SUGCT: variants seen among roughly 807,000 people sequenced by gnomAD.
SUGCT encodes succinyl-CoA:glutarate-CoA transferase, also known as succinyl-CoA:glutarate CoA-transferase.
A neutral mutation model predicts 55.0 loss-of-function variants in SUGCT; 41 were observed. The ratio of observed to expected loss-of-function variants is 0.74; its 90% CI spans 0.58 to 0.97. The LOEUF (loss-of-function observed/expected upper bound fraction) is 0.97. Ranked by LOEUF, SUGCT falls within the 50% of genes least tolerant of loss-of-function variation. The pLI is 0.00. For synonymous variants in SUGCT, 187 were observed against 200.4 expected (o/e 0.93, Z 0.56); for missense variants, 568 against 547.8 (o/e 1.04, Z -0.37).
chr7:40,333,831 C>A (rs78285621), intron 9 of SUGCT, among the ~76,000 whole-genome samples: 4 of 149,782 alleles, frequency 2.7e-5, no homozygotes, highest in African/African-American at 7.4e-5. Context: ...TATACATGTG[C>A]CATGGTGGTG....
chr7:40,740,774 C>T lies in SUGCT; in HGVS notation c.1090-8660C>T, dbSNP rs547090748. On this transcript the variant is annotated intron_variant, in intron 12 of 13. Coordinates refer to ENST00000335693, the MANE Select transcript of SUGCT (RefSeq NM_001193313.2). Reference sequence around the variant, plus strand: ...TTTATAAGAAAATTTAGGATAATATCTTTAACACTTAAGAATAGGAAATAA... The same window carrying T: ...TTTATAAGAAAATTTAGGATAATATTTTTAACACTTAAGAATAGGAAATAA... 4.6e-5 allele frequency among the ~76,000 whole-genome samples: 7 copies of T among 151,916 alleles called. No homozygotes were observed. In the South Asian group the frequency reaches 1.5e-3, roughly 31 times the overall value.
chr7:40,631,988 G>A (rs1024028154), intron 12 of SUGCT, among the ~76,000 whole-genome samples: 19 of 152,124 alleles, frequency 1.2e-4, no homozygotes, highest in African/African-American at 4.3e-4. Flanking sequence ...CTTAATCCCT[G>A]CAGATGCTCC....
chr7:40,309,289 G>T (rs1487740065), intron 8 of SUGCT, among the ~76,000 whole-genome samples: 3 of 144,420 alleles, frequency 2.1e-5, no homozygotes, highest in African/African-American at 7.4e-5. Context: ...CATAGTAAGT[G>T]TGATATCAGT....
chr7:40,521,652 G>A (rs964960892), intron 12 of SUGCT, among the ~76,000 whole-genome samples: 3 of 151,884 alleles, frequency 2.0e-5, no homozygotes, highest in Admixed American at 1.3e-4. Context: ...ATATCTCTTC[G>A]TTTTTTTCTC....
chr7:40,194,174 A>G (rs1279821192), intron 5 of SUGCT, among the ~76,000 whole-genome samples: 1 of 152,140 alleles, frequency 6.6e-6, no homozygotes, highest in African/African-American at 2.4e-5. Context: ...AGGTGTGAAA[A>G]CATTTCAGAA....
At chr7:40,832,649 C>T (rs1476066659) in intron 13 of SUGCT, among the ~76,000 whole-genome samples, 1 of 149,174 alleles carries the variant, frequency 6.7e-6, no homozygotes, top group African/African-American at 2.5e-5. Flanking sequence ...CCTATTGCTT[C>T]AGGCCTTCTT....
At chr7:40,764,259 A>G (rs1486074736) in intron 13 of SUGCT, among the ~76,000 whole-genome samples, 1 of 152,152 alleles carries the variant, frequency 6.6e-6, no homozygotes, top group Non-Finnish European at 1.5e-5. Flanking sequence ...ACCACTGAGG[A>G]GTTTGTTCCT....
chr7:40,352,789 C>T (rs181624015), intron 9 of SUGCT, among the ~76,000 whole-genome samples: 5 of 152,154 alleles, frequency 3.3e-5, no homozygotes, highest in East Asian at 3.9e-4. Context: ...TTTGGGTGTA[C>T]ACCTAATAGT....
intron 12 of SUGCT, among the ~76,000 whole-genome samples, chr7:40,558,938 A>G (rs1007824748): frequency 6.6e-6 from 1 of 152,214 alleles, no homozygotes; most frequent in Non-Finnish European, 1.5e-5. Flanking sequence ...ATATGCTTGG[A>G]TAGCTGTGAA....
At chr7:40,515,120 A>G (rs1793162604) in intron 12 of SUGCT, among the ~76,000 whole-genome samples, 2 of 151,322 alleles carry the variant, frequency 1.3e-5, no homozygotes, top group Non-Finnish European at 3.0e-5. Context: ...TTCTGTAACC[A>G]TGACCACAAT....
At chr7:40,900,692 T>C in the SUGCT span, among the ~76,000 whole-genome samples, 1 of 152,224 alleles carries the variant, frequency 6.6e-6, no homozygotes, top group Non-Finnish European at 1.5e-5. Flanking sequence ...CAGGATGCTG[T>C]CTGTGCTCTG....
chr7:40,466,473 C>A (rs1216773095), intron 11 of SUGCT, among the ~76,000 whole-genome samples: 1 of 152,232 alleles, frequency 6.6e-6, no homozygotes, highest in Non-Finnish European at 1.5e-5. Context: ...AGGGGCCCCT[C>A]CTGTGCCGCT....
intron 12 of SUGCT, among the ~76,000 whole-genome samples, chr7:40,513,510 G>C (rs1393431239): frequency 6.6e-6 from 1 of 152,072 alleles, no homozygotes; most frequent in Admixed American, 6.6e-5. Context: ...TTTCCTGAGA[G>C]CTCCATTTCA....
the SUGCT span, among the ~76,000 whole-genome samples, chr7:40,941,808 A>G: frequency 2.0e-4 from 31 of 152,088 alleles, no homozygotes; most frequent in Non-Finnish European, 4.0e-4. Flanking sequence ...TGATCCTCTT[A>G]TTGTTATATA....
intron 3 of SUGCT, among the ~76,000 whole-genome samples, chr7:40,186,007 C>G (rs1206323745): frequency 1.3e-5 from 2 of 152,110 alleles, no homozygotes; most frequent in East Asian, 3.9e-4. Flanking sequence ...CAATAGAAAA[C>G]TAGTTTCATT....
chr7:40,299,536 G>C (rs1171000209), intron 8 of SUGCT, among the ~76,000 whole-genome samples: 2 of 152,122 alleles, frequency 1.3e-5, no homozygotes, highest in Non-Finnish European at 2.9e-5. Flanking sequence ...CAATGAGCAA[G>C]TACAAGCTAG....
rs76217745 is a variant in SUGCT, at chr7:40,454,949, C to T, written c.889-4152C>T. On this transcript the variant is annotated intron_variant, in intron 10 of 13. Coordinates refer to ENST00000335693, the MANE Select transcript of SUGCT (RefSeq NM_001193313.2). ...GAAAAGTAACGTAAATAGTAAATAT[C>T]TGGGTGAATATAATGGTCTATTCTT... Among the ~76,000 whole-genome samples the T allele has an allele frequency of 7.4e-3, 1,124 of 152,194 alleles. 19 individuals are homozygous for T. The highest frequency in any genetic ancestry group is 0.024 in the African/African-American group (1,003 of 41,540).
chr7:40,915,647 A>G, the SUGCT span, among the ~76,000 whole-genome samples: 1 of 150,846 alleles, frequency 6.6e-6, no homozygotes, highest in Non-Finnish European at 1.5e-5. Flanking sequence ...CCATTCTCTC[A>G]GAGGGAAGAG....
chr7:40,694,673 C>A (rs1382996352), intron 12 of SUGCT, among the ~76,000 whole-genome samples: 1 of 152,128 alleles, frequency 6.6e-6, no homozygotes, highest in African/African-American at 2.4e-5. Flanking sequence ...TAGAGCCTTG[C>A]CCCTGGTTAA....
Sources: allele counts gnomAD v4.1 joint callset (sites outside exome capture counted in the v4.1 genomes callset), GRCh38; gene constraint gnomAD v4.1.1; transcripts MANE v1.5; gene names NCBI Gene and HGNC (gene_info 2026-07-23, HGNC 2026-07-21).